DIS3L2: variants seen among roughly 807,000 people sequenced by gnomAD.
DIS3L2 encodes DIS3 like 3'-5' exoribonuclease 2.
DIS3L2 carries 34 observed loss-of-function variants against 97.5 expected under a neutral mutation model. That is an observed-to-expected ratio of 0.35 (90% CI 0.27 to 0.46). The LOEUF (loss-of-function observed/expected upper bound fraction) is 0.46. Ranked by LOEUF, DIS3L2 falls within the 20% of genes least tolerant of loss-of-function variation. DIS3L2 has a pLI of 1.00. For missense variants in DIS3L2, 1,038 were observed against 1,146.0 expected, an observed-to-expected ratio of 0.91 and a Z score of 1.36; for synonymous variants, 435 against 445.2, an observed-to-expected ratio of 0.98 and a Z score of 0.29.
intron 14 of DIS3L2, among the ~76,000 whole-genome samples, chr2:232,313,903 A>T (rs1695202825): frequency 6.6e-6 from 1 of 152,206 alleles, no homozygotes; most frequent in African/African-American, 2.4e-5. Flanking sequence ...AAACCATCAG[A>T]TCTTGTGAGA....
chr2:232,117,032 C>T (rs748925402), intron 6 of DIS3L2, among the ~76,000 whole-genome samples: 31 of 152,326 alleles, frequency 2.0e-4, no homozygotes, highest in Middle Eastern at 3.4e-3. Context: ...GGCTGCTCCC[C>T]TTGGCTCTGA....
intron 3 of DIS3L2, among the ~76,000 whole-genome samples, 172 bp from the exon 4 acceptor site, chr2:232,024,105 C>T (rs1694591890): frequency 6.6e-6 from 1 of 152,150 alleles, no homozygotes; most frequent in Admixed American, 6.5e-5. Context: ...CCCTCTATTT[C>T]AGATATCAAC....
At chr2:232,253,224 G>A (rs549554938) in intron 12 of DIS3L2, among the ~76,000 whole-genome samples, 42 of 152,300 alleles carry the variant, frequency 2.8e-4, no homozygotes, top group Admixed American at 8.5e-4. Context: ...TGTTCGATAC[G>A]AGTATGAGGT....
chr2:232,261,510 T>C (rs1693711093), intron 12 of DIS3L2, among the ~76,000 whole-genome samples: 1 of 152,162 alleles, frequency 6.6e-6, no homozygotes, highest in Non-Finnish European at 1.5e-5. Context: ...CAGAAGATGT[T>C]GCTGTTTGAG....
chr2:232,128,147 G>C (rs1251845973), intron 6 of DIS3L2, among the ~76,000 whole-genome samples: 1 of 151,946 alleles, frequency 6.6e-6, no homozygotes, highest in East Asian at 1.9e-4. Context: ...GTAGAGACAG[G>C]GTTTTGCCAT....
In DIS3L2 at chr2:232,279,137, A is replaced by G. The variant is rs1190187461; in HGVS notation, c.1659+15697A>G. ...TATTTAATAGAGATGGGGTTTCACC[A>G]TATTGGTCAGTCTGGTCTCAAACTC... On this transcript the variant is annotated intron_variant, in intron 13 of 20. Transcript: ENST00000325385. Among the ~76,000 whole-genome samples, 5 of 152,292 alleles carry G rather than the reference A, an allele frequency of 3.3e-5. No homozygotes were observed. In the South Asian group the frequency reaches 1.0e-3, roughly 32 times the overall value.
At chr2:232,285,516 A>T (rs1445834587) in intron 13 of DIS3L2, among the ~76,000 whole-genome samples, 1 of 152,244 alleles carries the variant, frequency 6.6e-6, no homozygotes, top group Non-Finnish European at 1.5e-5. Context: ...GTTCTCTGTT[A>T]GAATCTAGAG....
chr2:232,135,304 A>G (rs1316609644), intron 7 of DIS3L2, among the ~76,000 whole-genome samples: 1 of 152,128 alleles, frequency 6.6e-6, no homozygotes, highest in Non-Finnish European at 1.5e-5. Flanking sequence ...GAGGGTGCAC[A>G]TACATGCATG....
chr2:232,289,052 G>A lies in DIS3L2; in HGVS notation c.1660-10988G>A, dbSNP rs576845762. Among the ~76,000 whole-genome samples the A allele has an allele frequency of 8.5e-5, 13 of 152,078 alleles. No individual in the cohort carries two copies. In the South Asian group the frequency reaches 2.3e-3, roughly 27 times the overall value. On this transcript the variant is annotated intron_variant, in intron 13 of 20. Coordinates refer to ENST00000325385, the MANE Select transcript of DIS3L2 (RefSeq NM_152383.5). Reference sequence around the variant, plus strand: ...TGATTTCAATATCACAGATGCAGTCGTCCTGCTTGGTGGCGTGGGGGAGGG... The same window carrying A: ...TGATTTCAATATCACAGATGCAGTCATCCTGCTTGGTGGCGTGGGGGAGGG...
At chr2:232,309,271 T>C (rs1053256969) in intron 14 of DIS3L2, among the ~76,000 whole-genome samples, 9 of 152,204 alleles carry the variant, frequency 5.9e-5, no homozygotes, top group African/African-American at 2.2e-4. Context: ...TCTGCCTGTT[T>C]CCTCAGAACC....
At chr2:231,998,934 G>T (rs1157806954) in intron 1 of DIS3L2, among the ~76,000 whole-genome samples, 1 of 152,064 alleles carries the variant, frequency 6.6e-6, no homozygotes, top group Non-Finnish European at 1.5e-5. Flanking sequence ...TTTTCAGAGG[G>T]CTCCTGTGAA....
intron 8 of DIS3L2, among the ~76,000 whole-genome samples, chr2:232,162,235 A>G (rs1465542938): frequency 6.6e-6 from 1 of 152,082 alleles, no homozygotes; most frequent in Admixed American, 6.5e-5. Context: ...ATTTGTGGAG[A>G]AAGTACTCTT....
chr2:232,172,746 A>G, intron 9 of DIS3L2: 1 of 534,602 alleles, frequency 1.9e-6, no homozygotes, highest in Non-Finnish European at 3.8e-6. Context: ...CCCTGTGGCA[A>G]TGTATGAGGG....
chr2:232,013,844 A>G (rs1384504852), intron 1 of DIS3L2, among the ~76,000 whole-genome samples: 2 of 152,072 alleles, frequency 1.3e-5, no homozygotes, highest in East Asian at 3.9e-4. Flanking sequence ...GAATCTCTTT[A>G]TCTTTCCCTA....
intron 13 of DIS3L2, among the ~76,000 whole-genome samples, chr2:232,264,361 T>C (rs1376072531): frequency 2.6e-5 from 4 of 152,178 alleles, no homozygotes; most frequent in Non-Finnish European, 5.9e-5. Flanking sequence ...TATTGATAAC[T>C]CTGAAGTCTC....
At chr2:231,986,102 C>T (rs1693405642) in intron 1 of DIS3L2, among the ~76,000 whole-genome samples, 1 of 152,246 alleles carries the variant, frequency 6.6e-6, no homozygotes. Flanking sequence ...CTTGTACTTA[C>T]ACCAGTGGTT....
chr2:232,330,024 G>C, intron 15 of DIS3L2, 28 bp downstream of exon 15: 1 of 1,580,796 alleles, frequency 6.3e-7, no homozygotes, highest in South Asian at 1.1e-5. Flanking sequence ...TTCGGGGGAG[G>C]CCCTGCTTGG....
rs79456267 is a variant in DIS3L2 at position 232,182,808 on chromosome 2, T to C, written c.1124+19176T>C. On this transcript the variant is annotated intron_variant, in intron 9 of 20. Coordinates refer to ENST00000325385, the MANE Select transcript of DIS3L2 (RefSeq NM_152383.5). ...ACACAGGCACACACACACATACAAT[T>C]AAATACTATTAAATAGTAATATAAT... Among the ~76,000 whole-genome samples, 264 of 152,294 alleles carry C rather than the reference T, an allele frequency of 1.7e-3. 6 individuals carry two copies. In the East Asian group the frequency reaches 0.045, roughly 26 times the overall value.
At position 232,263,867 on chromosome 2, in the gene DIS3L2, G is replaced by C. The variant is rs916681424; in HGVS notation, c.1659+427G>C. 3.3e-5 allele frequency among the ~76,000 whole-genome samples: 5 copies of C among 151,948 alleles called. No homozygotes were observed. The East Asian group carries it at 9.6e-4, about 29-fold the overall frequency. On this transcript the variant is annotated intron_variant, in intron 13 of 20. Transcript: ENST00000325385. The stretch of plus-strand genomic sequence containing the variant: ...CAGCTGACCAGTATCTGATACGAAG[G>C]CTTGGAAAAAAAGTATTTCTTCTTA...
Sources: gnomAD v4.1 joint callset for allele counts (sites outside exome capture counted in the v4.1 genomes callset) on GRCh38, gnomAD v4.1.1 for gene constraint, MANE v1.5 for transcripts, NCBI Gene and HGNC (gene_info 2026-07-23, HGNC 2026-07-21) for gene names.